Variants in UNC79 observed in about 807,000 individuals in gnomAD.
UNC79 encodes the protein protein unc-79 homolog.
UNC79 carries 37 observed loss-of-function variants against 283.1 expected under a neutral mutation model. That is an observed-to-expected ratio of 0.13 (90% CI 0.10 to 0.17). The LOEUF (loss-of-function observed/expected upper bound fraction) is 0.17. Ranked by LOEUF, UNC79 falls within the 10% of genes least tolerant of loss-of-function variation. The pLI is 1.00. For synonymous variants in UNC79, 1,107 were observed against 1,200.2 expected, an observed-to-expected ratio of 0.92 and a Z score of 1.61; for missense variants, 2,272 against 3,211.1, an observed-to-expected ratio of 0.71 and a Z score of 7.07.
At position 93,651,918 on chromosome 14, in the gene UNC79, T is replaced by TATTTA. The variant is rs2070320202; in HGVS notation, c.6084-1824_6084-1823insATTTA. ...CATACCTGGCTAATTTTGTATTTTT[T>TATTTA]TTTTTTTTTTTTTTTTTTTTTTACT... is the stretch of plus-strand genomic sequence containing the variant. On this transcript the variant is annotated intron_variant, in intron 35 of 48. Coordinates refer to ENST00000555664, the Ensembl canonical transcript of UNC79. Among the ~76,000 whole-genome samples, 3 of 143,682 alleles carry TATTTA rather than the reference T, an allele frequency of 2.1e-5. No individual in the cohort carries two copies. In the South Asian group the frequency reaches 6.8e-4, roughly 33 times the overall value. 94.3% of individuals were successfully genotyped at this position (143,682 alleles called of 152,430 possible).
chr14:93,609,284 C>G (rs1487579197), intron 26 of UNC79, among the ~76,000 whole-genome samples: 1 of 152,174 alleles, frequency 6.6e-6, no homozygotes, highest in African/African-American at 2.4e-5. Flanking sequence ...AAAAACGGCT[C>G]CATTCTGAGA....
At chr14:93,455,906 A>G (rs1467911875) in intron 1 of UNC79, among the ~76,000 whole-genome samples, 1 of 143,990 alleles carries the variant, frequency 6.9e-6, no homozygotes, top group African/African-American at 2.6e-5. Context: ...CCATCAGTAC[A>G]ATGGATTGTG....
At chr14:93,641,111 ATAT>A in intron 32 of UNC79, 31 bp from the exon 36 acceptor site, 3 of 1,592,920 alleles carry the variant, frequency 1.9e-6, no homozygotes, top group Non-Finnish European at 1.7e-6. Flanking sequence ...AAGCTCATCT[ATAT>A]TCACTGGTTG....
chr14:93,649,735 T>C (rs1345251224), intron 35 of UNC79, among the ~76,000 whole-genome samples: 1 of 152,226 alleles, frequency 6.6e-6, no homozygotes, highest in Non-Finnish European at 1.5e-5. Flanking sequence ...GTGAAAACAT[T>C]TGAAATCTAC....
At position 93,688,299 on chromosome 14, in the gene UNC79, T is replaced by C. The variant is rs2074407524; in HGVS notation, c.6910-366T>C. 6.6e-6 allele frequency among the ~76,000 whole-genome samples: 1 copy of C among 151,146 alleles called. No homozygotes were observed. Among genetic ancestry groups the C allele is most frequent in the African/African-American group, 2.4e-5 (1 of 41,070 alleles). Reference sequence around the variant, plus strand: ...GGCAGCACGGACCTGGCCGGGGAGGTCAGGGAAGGCTTCCCAGAGGAAGTT... The same window carrying C: ...GGCAGCACGGACCTGGCCGGGGAGGCCAGGGAAGGCTTCCCAGAGGAAGTT... On this transcript the variant is annotated intron_variant, in intron 43 of 48. Coordinates refer to ENST00000555664, the Ensembl canonical transcript of UNC79. This position sits in a 1 kb window ranked among gnomAD's most constrained non-coding sequence, Gnocchi z 4.0.
At chr14:93,465,799 G>A (rs2057152827) in intron 1 of UNC79, among the ~76,000 whole-genome samples, 2 of 152,128 alleles carry the variant, frequency 1.3e-5, no homozygotes, top group South Asian at 4.1e-4. Flanking sequence ...TGGTATTCCT[G>A]AAATACTCTA....
At chr14:93,683,960 A>G (rs1306254433) in intron 42 of UNC79, among the ~76,000 whole-genome samples, 1 of 152,122 alleles carries the variant, frequency 6.6e-6, no homozygotes, top group Non-Finnish European at 1.5e-5. Flanking sequence ...TGAAACTACT[A>G]CTGTGATCTA....
At chr14:93,596,749 G>T (rs2065113857) in intron 23 of UNC79, among the ~76,000 whole-genome samples, 1 of 152,184 alleles carries the variant, frequency 6.6e-6, no homozygotes, top group South Asian at 2.1e-4. Context: ...GCTAGCTGTT[G>T]TAACTTTTTA....
At chr14:93,575,225 C>T in intron 17 of UNC79, 27 bp downstream of exon 17, 1 of 1,612,262 alleles carries the variant, frequency 6.2e-7, no homozygotes, top group East Asian at 2.2e-5. Flanking sequence ...TTGTTCTTGT[C>T]TTGCTTTTAA....
At chr14:93,487,909 T>C (rs1272713959) in intron 5 of UNC79, among the ~76,000 whole-genome samples, 154 bp downstream of exon 5, 1 of 152,258 alleles carries the variant, frequency 6.6e-6, no homozygotes, top group African/African-American at 2.4e-5. Flanking sequence ...ATCTTGCCTA[T>C]TGCTATTAGC....
intron 1 of UNC79, among the ~76,000 whole-genome samples, chr14:93,335,692 A>G (rs2053563741): frequency 6.6e-6 from 1 of 152,242 alleles, no homozygotes; most frequent in Admixed American, 6.5e-5. Flanking sequence ...TTGTTTGCCA[A>G]TGAGGAGAAA....
At chr14:93,663,892 A>AT (rs1369003913) in intron 40 of UNC79, among the ~76,000 whole-genome samples, 2 of 151,990 alleles carry the variant, frequency 1.3e-5, no homozygotes, top group African/African-American at 4.8e-5. Flanking sequence ...TGGGGGAAGA[A>AT]TCATAATAAG....
At chr14:93,673,136 T>A (rs1406067287) in intron 40 of UNC79, among the ~76,000 whole-genome samples, 1 of 152,222 alleles carries the variant, frequency 6.6e-6, no homozygotes, top group Non-Finnish European at 1.5e-5. Flanking sequence ...TCTTATCCAT[T>A]AAATTATTTG....
At chr14:93,669,790 A>C (rs1041807017) in intron 40 of UNC79, among the ~76,000 whole-genome samples, 1 of 152,190 alleles carries the variant, frequency 6.6e-6, no homozygotes. Context: ...TCAAGGCTGC[A>C]GTGAGCTGTG....
intron 5 of UNC79, among the ~76,000 whole-genome samples, chr14:93,488,224 G>A (rs12587063): frequency 0.31 from 46,619 of 152,030 alleles, 7,509 homozygotes; most frequent in East Asian, 0.65. Context: ...CCAATAGTAT[G>A]TGAAAGTACT....
intron 43 of UNC79, among the ~76,000 whole-genome samples, chr14:93,687,177 C>T (rs973367774): frequency 3.3e-5 from 5 of 152,234 alleles, no homozygotes; most frequent in Non-Finnish European, 7.3e-5. Context: ...CGTGAAGAGA[C>T]TTTCATAAAC....
intron 26 of UNC79, chr14:93,604,951 A>G: frequency 6.3e-7 from 1 of 1,581,234 alleles, no homozygotes; most frequent in Non-Finnish European, 8.5e-7. Flanking sequence ...GGACACCCGA[A>G]CAGACGCCAG....
intron 35 of UNC79, among the ~76,000 whole-genome samples, chr14:93,653,343 A>T (rs969890099): frequency 1.4e-5 from 2 of 146,946 alleles, no homozygotes; most frequent in Non-Finnish European, 3.0e-5. Context: ...ATATATATGA[A>T]TTTTTTTTTC....
intron 26 of UNC79, among the ~76,000 whole-genome samples, chr14:93,609,091 CTCCTT>C (rs2066104426): frequency 6.6e-6 from 1 of 152,186 alleles, no homozygotes; most frequent in African/African-American, 2.4e-5. Flanking sequence ...CCTGTCCTCC[CTCCTT>C]TCTTGTCCTT....
Sources: allele counts gnomAD v4.1 joint callset (sites outside exome capture counted in the v4.1 genomes callset), GRCh38; gene constraint gnomAD v4.1.1; non-coding constraint Gnocchi (gnomAD v3.1); transcripts MANE v1.5; gene names NCBI Gene and HGNC (gene_info 2026-07-23, HGNC 2026-07-21).